Variants in DIAPH1 observed in about 807,000 individuals in gnomAD.
DIAPH1 encodes diaphanous related formin 1.
Under a neutral mutation model 140.7 loss-of-function variants are expected in DIAPH1, and 46 were observed. The ratio of observed to expected loss-of-function variants is 0.33; its 90% CI spans 0.26 to 0.42. The LOEUF (loss-of-function observed/expected upper bound fraction) is 0.42, where lower values mean the gene tolerates loss of function less well. Among genes scored for constraint, DIAPH1 ranks in the 10% least tolerant of loss-of-function variants. The pLI is 1.00. For missense variants in DIAPH1, 1,310 were observed against 1,558.7 expected (o/e 0.84, Z 2.69); for synonymous variants, 565 against 551.6 (o/e 1.02, Z -0.34).
chr5:141,614,944 T>C (rs2099902440), intron 1 of DIAPH1, among the ~76,000 whole-genome samples: 1 of 152,198 alleles, frequency 6.6e-6, no homozygotes, highest in Non-Finnish European at 1.5e-5. Context: ...TAAGAGGATA[T>C]AAGCAGAAAT....
chr5:141,528,513 C>A lies in DIAPH1; in HGVS notation c.3088G>T (p.Asp1030Tyr), dbSNP rs1255358652. 1 of 1,614,228 alleles carries A rather than the reference C, an allele frequency of 6.2e-7. No homozygotes were observed. Among genetic ancestry groups the A allele is most frequent in the Non-Finnish European group, 8.5e-7 (1 of 1,180,050 alleles). ...LHFLAELCENDYPDVLKFPDE... is the reference protein window; with the variant it reads ...LHFLAELCENYYPDVLKFPDE... ...GGAAACTTGAGGACATCGGGATAGT[C>A]ATTCTCACACAACTCAGCCAAGAAG... The change falls in exon 23 of 28, where the codon GAC becomes TAC. Residue 1030 changes from aspartate (D) to tyrosine (Y), a missense_variant. Transcript: ENST00000389054.
At chr5:141,543,478 G>A (rs1417466018) in intron 18 of DIAPH1, among the ~76,000 whole-genome samples, 1 of 152,162 alleles carries the variant, frequency 6.6e-6, no homozygotes, top group Non-Finnish European at 1.5e-5. Flanking sequence ...GACTATCCCT[G>A]ACTTAAGATA....
chr5:141,573,144 A>G (rs1251147338), intron 16 of DIAPH1, among the ~76,000 whole-genome samples: 1 of 152,026 alleles, frequency 6.6e-6, no homozygotes, highest in Non-Finnish European at 1.5e-5. Flanking sequence ...GTTTCTTAAG[A>G]TTGACTGGTG....
intron 18 of DIAPH1, among the ~76,000 whole-genome samples, chr5:141,558,916 T>TA (rs11315376): frequency 1.5e-4 from 22 of 143,774 alleles, no homozygotes; most frequent in Non-Finnish European, 2.6e-4. Context: ...CACAAGTTGT[T>TA]AAAAAAAAAA....
chr5:141,548,553 G>A (rs1434902428), intron 18 of DIAPH1, among the ~76,000 whole-genome samples: 1 of 152,100 alleles, frequency 6.6e-6, no homozygotes, highest in Admixed American at 6.5e-5. Flanking sequence ...CAAACTGCAT[G>A]ACACCAGTAA....
At chr5:141,572,748 ACAGAG>A (rs1224329464) in intron 16 of DIAPH1, among the ~76,000 whole-genome samples, 1 of 146,206 alleles carries the variant, frequency 6.8e-6, no homozygotes, top group Non-Finnish European at 1.5e-5. Flanking sequence ...AGCCTGGGCA[ACAGAG>A]CAAGACTCCA....
At chr5:141,526,591 A>G (rs983373950) in intron 24 of DIAPH1, 130 bp from the exon 25 acceptor site, 2 of 1,075,960 alleles carry the variant, frequency 1.9e-6, no homozygotes, top group Non-Finnish European at 2.8e-6. Flanking sequence ...TATAACAGCA[A>G]AAACCAAAGC....
Position 141,573,571 on chromosome 5 carries a change from G to C in DIAPH1, c.2279C>G (p.Ala760Gly). 1 of 1,614,122 alleles carries C rather than the reference G, an allele frequency of 6.2e-7. No individual in the cohort carries two copies. The highest frequency in any genetic ancestry group is 8.5e-7 in the Non-Finnish European group (1 of 1,180,020). The change falls in exon 16 of 28, where the codon GCC becomes GGC. Residue 760 changes from alanine to glycine, a missense_variant. Transcript: ENST00000389054. ...PPPFGFGVPA[A>G]PVLPFGLTPK... ...GGTTAATCCAAATGGCAGAACTGGG[G>C]CTGCAGGAACTCCAAATCCAAATGG...
At chr5:141,556,068 T>A (rs961732838) in intron 18 of DIAPH1, among the ~76,000 whole-genome samples, 2 of 152,074 alleles carry the variant, frequency 1.3e-5, no homozygotes, top group Non-Finnish European at 2.9e-5. Flanking sequence ...ATTTCAGAAG[T>A]GGGAGAAGAA....
intron 18 of DIAPH1, among the ~76,000 whole-genome samples, chr5:141,556,005 G>A (rs2099892515): frequency 6.6e-6 from 1 of 152,096 alleles, no homozygotes; most frequent in Non-Finnish European, 1.5e-5. Flanking sequence ...CCTTCCCTTG[G>A]GCAAGGGAAT....
At chr5:141,576,502 GC>G (rs1455996046) in intron 13 of DIAPH1, among the ~76,000 whole-genome samples, 9 of 152,222 alleles carry the variant, frequency 5.9e-5, no homozygotes, top group African/African-American at 2.2e-4. Flanking sequence ...CAAGAAGAAT[GC>G]CTATGAGTGA....
rs2099896276 is a variant in DIAPH1, at chr5:141,578,500, A to G, written c.1044+15T>C. The G allele has an allele frequency of 6.2e-7, 1 of 1,600,700 alleles. No individual in the cohort carries two copies. Among genetic ancestry groups the G allele is most frequent in the South Asian group, 1.1e-5 (1 of 90,812 alleles). On this transcript the variant is annotated intron_variant, in intron 10 of 27. Transcript: ENST00000389054. ...GGAACCAGTCTAGCCTTTCTAATGA[A>G]GTGTAATATCTTACCTGCAACACCT...
At chr5:141,560,940 G>T (rs200731372) in intron 18 of DIAPH1, 5 of 455,730 alleles carry the variant, frequency 1.1e-5, no homozygotes, top group African/African-American at 4.0e-5. Context: ...GAAAGATGAG[G>T]GGGGGAAGGG....
At position 141,575,043 on chromosome 5, in the gene DIAPH1, G is replaced by A. The variant is rs373896015; in HGVS notation, c.1565C>T (p.Ala522Val). Residue 522 changes from alanine to valine, a missense_variant, in exon 15 of 28, where the codon GCA (alanine) becomes GTA (valine). This residue lies in a region of DIAPH1 where 589 missense variants were observed against 549.3 expected (regional missense o/e 1.07). Coordinates refer to ENST00000389054, the MANE Select transcript of DIAPH1 (RefSeq NM_005219.5). The stretch of plus-strand genomic sequence containing the variant: ...AATTTGCTGCTTTTCAGAATGCAGT[G>A]CATCTTTTTCTCCCTGAAGATCTTG... ...KLQDLQGEKD[A>V]LHSEKQQIAT... The A allele has an allele frequency of 9.3e-6, 15 of 1,613,994 alleles. No homozygotes were observed. In the African/African-American group the frequency reaches 1.7e-4, roughly 19 times the overall value.
Position 141,516,933 on chromosome 5 carries a change from A to C in DIAPH1, c.3737T>G (p.Val1246Gly), listed in dbSNP as rs2099885777. The change falls in exon 28 of 28, where the codon GTT becomes GGT. Residue 1246 changes from valine (V) to glycine (G), a missense_variant. Transcript: ENST00000389054. ...ELTKDDAMAAVPAKVSKNSET... is the reference protein window; with the variant it reads ...ELTKDDAMAAGPAKVSKNSET... The stretch of plus-strand genomic sequence containing the variant: ...ACTGTTCTTGGACACCTTGGCAGGA[A>C]CAGCAGCCATGGCATCATCCTTGGT... 2 of 1,614,264 alleles carry C rather than the reference A, an allele frequency of 1.2e-6. No homozygotes were observed. The highest frequency in any genetic ancestry group is 1.7e-6 in the Non-Finnish European group (2 of 1,180,048).
At position 141,574,833 on chromosome 5, in the gene DIAPH1, T is replaced by A; in HGVS notation, c.1641+134A>T. 5.2e-6 allele frequency: 5 copies of A among 958,306 alleles called. No individual in the cohort carries two copies. In the South Asian group the frequency reaches 5.7e-5, roughly 11 times the overall value. The allele number at this position is 958,306 out of a possible 1,614,324, so 59.4% of individuals were successfully genotyped here. A position where few individuals can be genotyped will look rare whatever the true frequency, so the allele number is the denominator to read the frequency against. ...AAACCAAAAACCAGTATATTATTTT[T>A]AAAATATGCACCATGTAACTAGATT... On this transcript the variant is annotated intron_variant, in intron 15 of 27. Coordinates refer to ENST00000389054, the MANE Select transcript of DIAPH1 (RefSeq NM_005219.5).
Position 141,583,584 on chromosome 5 carries a change from G to A in DIAPH1, c.434C>T (p.Ala145Val). Residue 145 changes from alanine (A) to valine (V), a missense_variant, in exon 5 of 28, where the codon GCC becomes GTC. Ala to Val is a moderately conservative substitution (Grantham distance 64, BLOSUM62 0). Coordinates refer to ENST00000389054, the MANE Select transcript of DIAPH1 (RefSeq NM_005219.5). ...CCTCAACTCCTGAATATACATCATG[G>A]CAGACTTAGAGCTCTCCTTCTGGCT... The part of the protein sequence containing the change: ...GMSQKESSKS[A>V]MMYIQELRSG... The A allele has an allele frequency of 6.2e-7, 1 of 1,614,228 alleles. No individual in the cohort carries two copies. The highest frequency in any genetic ancestry group is 1.3e-5 in the African/African-American group (1 of 75,060).
intron 1 of DIAPH1, among the ~76,000 whole-genome samples, chr5:141,608,956 A>G (rs1310270591): frequency 6.6e-6 from 1 of 152,174 alleles, no homozygotes; most frequent in Non-Finnish European, 1.5e-5. Context: ...AATTTAAACA[A>G]CTAAAACTCC....
chr5:141,605,869 CAG>C (rs1353597016), intron 1 of DIAPH1, among the ~76,000 whole-genome samples: 2 of 152,176 alleles, frequency 1.3e-5, no homozygotes, highest in Non-Finnish European at 2.9e-5. Flanking sequence ...TCACAGGAAA[CAG>C]ACGTCACCCA....
Sources: gnomAD v4.1 joint callset for allele counts (sites outside exome capture counted in the v4.1 genomes callset) on GRCh38, gnomAD v4.1.1 for gene constraint, gnomAD v4.1.1 regional missense constraint, MANE v1.5 for transcripts, NCBI Gene and HGNC (gene_info 2026-07-23, HGNC 2026-07-21) for gene names.